TNFAIP6: variants seen among roughly 807,000 people sequenced by gnomAD.
TNFAIP6 encodes TNF alpha induced protein 6, also known as tumor necrosis factor-inducible gene 6 protein.
Under a neutral mutation model 33.7 loss-of-function variants are expected in TNFAIP6, and 36 were observed. The ratio of observed to expected loss-of-function variants is 1.07; its 90% CI spans 0.82 to 1.41. TNFAIP6 has a LOEUF of 1.41. TNFAIP6 is among the 40% of genes most tolerant of loss of function. The pLI is 0.00. For synonymous variants in TNFAIP6, 113 were observed against 112.8 expected, an observed-to-expected ratio of 1.00 and a Z score of -0.01; for missense variants, 273 against 331.9, an observed-to-expected ratio of 0.82 and a Z score of 1.38.
At position 151,366,063 on chromosome 2, in the gene TNFAIP6, TGTCTG is replaced by T; in HGVS notation, c.241_245del (p.Val81CysfsTer7). The T allele has an allele frequency of 1.2e-6, 2 of 1,614,102 alleles. No individual in the cohort carries two copies. The highest frequency in any genetic ancestry group is 1.7e-5 in the Admixed American group (1 of 60,016). On this transcript the variant is annotated frameshift_variant, in exon 3 of 6. Transcript: ENST00000243347. LOFTEE classifies it high-confidence loss of function. Reference sequence around the variant, plus strand: ...CTCTTTTTCTTCTTGCAGGATTTCATGTCTGTGCTGCTGGATGGATGGCTAAGGGC... The same window carrying T: ...CTCTTTTTCTTCTTGCAGGATTTCATTGCTGCTGGATGGATGGCTAAGGGC...
At chr2:151,371,726 C>A (rs1684819235) in intron 4 of TNFAIP6, among the ~76,000 whole-genome samples, 1 of 151,924 alleles carries the variant, frequency 6.6e-6, no homozygotes, top group African/African-American at 2.4e-5. Flanking sequence ...TCCCGAGTAG[C>A]TGGGATTACA....
chr2:151,374,957 C>T (rs1684876990), intron 5 of TNFAIP6, among the ~76,000 whole-genome samples: 1 of 152,002 alleles, frequency 6.6e-6, no homozygotes, highest in Non-Finnish European at 1.5e-5. Flanking sequence ...GAAACACCGT[C>T]TCTACCAGAA....
At chr2:151,359,528 A>G (rs1474206948) in intron 1 of TNFAIP6, among the ~76,000 whole-genome samples, 1 of 151,822 alleles carries the variant, frequency 6.6e-6, no homozygotes, top group Non-Finnish European at 1.5e-5. Flanking sequence ...AGCTGGGACT[A>G]CAGGCACCCG....
At chr2:151,362,053 G>A (rs149383416) in intron 1 of TNFAIP6, among the ~76,000 whole-genome samples, 155 of 152,320 alleles carry the variant, frequency 1.0e-3, no homozygotes, top group African/African-American at 3.5e-3. Context: ...CAAGAAATAT[G>A]TATGTCCTCA....
chr2:151,360,034 A>C (rs745850032), intron 1 of TNFAIP6, among the ~76,000 whole-genome samples: 4 of 152,178 alleles, frequency 2.6e-5, no homozygotes, highest in Non-Finnish European at 4.4e-5. Context: ...AGTGGTTCAC[A>C]CCTGTAATCC....
At position 151,363,616 on chromosome 2, in the gene TNFAIP6, C is replaced by G. The variant is rs183494456; in HGVS notation, c.95-327C>G. Among the ~76,000 whole-genome samples the G allele has an allele frequency of 1.9e-3, 294 of 151,934 alleles. 2 individuals carry two copies. Among genetic ancestry groups the G allele is most frequent in the African/African-American group, 6.7e-3 (278 of 41,424 alleles). On this transcript the variant is annotated intron_variant, in intron 1 of 5. Transcript: ENST00000243347. ...GGCGGAGCTTGCAGTGAGCTGAGATCGCGCCACTGCACTCCAGCCTGGGAG... is the reference window on the plus strand; with the variant it reads ...GGCGGAGCTTGCAGTGAGCTGAGATGGCGCCACTGCACTCCAGCCTGGGAG...
At chr2:151,367,213 A>G (rs1264620759) in intron 3 of TNFAIP6, among the ~76,000 whole-genome samples, 5 of 152,194 alleles carry the variant, frequency 3.3e-5, no homozygotes, top group African/African-American at 1.2e-4. Flanking sequence ...TAGTCCAAGT[A>G]GAAAGATTTT....
intron 5 of TNFAIP6, among the ~76,000 whole-genome samples, chr2:151,374,722 C>G (rs1216570217): frequency 6.6e-6 from 1 of 152,240 alleles, no homozygotes; most frequent in Non-Finnish European, 1.5e-5. Context: ...TTACTTATCT[C>G]TCATTCCTTT....
At chr2:151,379,272 A>G in intron 5 of TNFAIP6, 92 bp from the exon 6 acceptor site, 1 of 1,162,722 alleles carries the variant, frequency 8.6e-7, no homozygotes, top group Non-Finnish European at 1.2e-6. Flanking sequence ...ATGAATTCTT[A>G]TATTCTCCTA....
chr2:151,369,864 T>C (rs1684782597), intron 3 of TNFAIP6, among the ~76,000 whole-genome samples, 156 bp from the exon 4 acceptor site: 1 of 152,226 alleles, frequency 6.6e-6, no homozygotes, highest in Non-Finnish European at 1.5e-5. Context: ...ATTTATTCTT[T>C]AGCTAAAAGC....
intron 4 of TNFAIP6, among the ~76,000 whole-genome samples, chr2:151,371,842 G>A (rs566962624): frequency 1.3e-5 from 2 of 152,216 alleles, no homozygotes; most frequent in African/African-American, 4.8e-5. Context: ...TGATCCACCC[G>A]CCTCAGCCTT....
intron 3 of TNFAIP6, among the ~76,000 whole-genome samples, chr2:151,366,746 A>G (rs1316913997): frequency 2.6e-5 from 4 of 152,200 alleles, no homozygotes; most frequent in Non-Finnish European, 5.9e-5. Flanking sequence ...TTGTGTATAT[A>G]TGCTAGTACT....
chr2:151,362,639 T>C (rs555223470), intron 1 of TNFAIP6, among the ~76,000 whole-genome samples: 108 of 151,896 alleles, frequency 7.1e-4, no homozygotes, highest in African/African-American at 2.0e-3. Context: ...TACAGGTGCC[T>C]GCCACCACGC....
chr2:151,379,711 A>G lies in TNFAIP6; in HGVS notation c.*178A>G, dbSNP rs1016434773. 2.1e-4 allele frequency: 93 copies of G among 436,550 alleles called. No homozygotes were observed. Among genetic ancestry groups the G allele is most frequent in the African/African-American group, 1.8e-3 (89 of 48,716 alleles). 27.0% of individuals were successfully genotyped at this position (436,550 alleles called of 1,614,324 possible). On this transcript the variant is annotated 3_prime_UTR_variant, in exon 6 of 6. Coordinates refer to ENST00000243347, the MANE Select transcript of TNFAIP6 (RefSeq NM_007115.4). ...TTTAAACGAGAAAATGAAACCTCTCATAATCCCACTGCATAGAAATAACAA... is the reference window on the plus strand; with the variant it reads ...TTTAAACGAGAAAATGAAACCTCTCGTAATCCCACTGCATAGAAATAACAA...
chr2:151,359,386 A>ATAT (rs541241053), intron 1 of TNFAIP6, among the ~76,000 whole-genome samples: 1 of 130,170 alleles, frequency 7.7e-6, no homozygotes, highest in Non-Finnish European at 1.6e-5. Flanking sequence ...GCAACTCATA[A>ATAT]TTTTTTTTTT....
chr2:151,375,524 C>T (rs909904015), intron 5 of TNFAIP6, among the ~76,000 whole-genome samples: 1 of 151,932 alleles, frequency 6.6e-6, no homozygotes, highest in Non-Finnish European at 1.5e-5. Context: ...CTGGCTAACA[C>T]GGTGAAACTC....
chr2:151,367,814 G>A (rs1358434160), intron 3 of TNFAIP6, among the ~76,000 whole-genome samples: 3 of 151,462 alleles, frequency 2.0e-5, no homozygotes, highest in Admixed American at 1.3e-4. Flanking sequence ...TTGACCGCCT[G>A]AACTAGCACT....
chr2:151,367,722 T>C (rs2152014983), intron 3 of TNFAIP6, among the ~76,000 whole-genome samples: 1 of 152,288 alleles, frequency 6.6e-6, no homozygotes, highest in African/African-American at 2.4e-5. Flanking sequence ...GATTTGTTTT[T>C]ACCCAATTCT....
At chr2:151,368,113 TCCTTA>T (rs1371823099) in intron 3 of TNFAIP6, among the ~76,000 whole-genome samples, 1 of 151,998 alleles carries the variant, frequency 6.6e-6, no homozygotes. Flanking sequence ...GCAATGTACA[TCCTTA>T]TGCAGACATA....
Sources: gnomAD v4.1 joint callset for allele counts (sites outside exome capture counted in the v4.1 genomes callset) on GRCh38, gnomAD v4.1.1 for gene constraint, MANE v1.5 for transcripts, NCBI Gene and HGNC (gene_info 2026-07-23, HGNC 2026-07-21) for gene names.